The following LHFPL6 variants were observed in gnomAD, a reference collection of about 807,000 sequenced individuals.
LHFPL6 encodes LHFPL tetraspan subfamily member 6, also known as LHFPL tetraspan subfamily member 6 protein.
A neutral mutation model predicts 20.6 loss-of-function variants in LHFPL6; 9 were observed. That is an observed-to-expected ratio of 0.44 (90% CI 0.26 to 0.76). The LOEUF is 0.76. Ranked by LOEUF, LHFPL6 falls within the 30% of genes least tolerant of loss-of-function variation. The pLI is 0.20. For missense variants in LHFPL6, 218 were observed against 253.5 expected, an observed-to-expected ratio of 0.86 and a Z score of 0.95; for synonymous variants, 105 against 98.7, an observed-to-expected ratio of 1.06 and a Z score of -0.38.
chr13:39,403,164 T>G (rs1204095433), intron 2 of LHFPL6, among the ~76,000 whole-genome samples: 1 of 152,228 alleles, frequency 6.6e-6, no homozygotes, highest in African/African-American at 2.4e-5. Context: ...ATACATTGTG[T>G]GAGGTATGGG....
intron 2 of LHFPL6, among the ~76,000 whole-genome samples, chr13:39,386,584 C>G (rs191236132): frequency 1.2e-4 from 18 of 152,320 alleles, no homozygotes; most frequent in Non-Finnish European, 2.9e-5. Flanking sequence ...CAGTCACACA[C>G]TCACCACCCA....
intron 2 of LHFPL6, among the ~76,000 whole-genome samples, chr13:39,574,989 T>G (rs1489009160): frequency 1.3e-5 from 2 of 151,940 alleles, no homozygotes; most frequent in African/African-American, 2.4e-5. Flanking sequence ...GAGAATCACT[T>G]GAATCTGGGA....
At chr13:39,577,126 A>C (rs1872140819) in intron 2 of LHFPL6, among the ~76,000 whole-genome samples, 1 of 152,224 alleles carries the variant, frequency 6.6e-6, no homozygotes, top group Admixed American at 6.5e-5. Context: ...GAAAAATGAT[A>C]ACACTTAGAA....
At chr13:39,452,105 T>A (rs1235789311) in intron 2 of LHFPL6, among the ~76,000 whole-genome samples, 1 of 147,702 alleles carries the variant, frequency 6.8e-6, no homozygotes, top group African/African-American at 2.5e-5. Flanking sequence ...ACATCAAGGT[T>A]AAAAAAAAAA....
Position 39,360,836 on chromosome 13 carries a change from C to A in LHFPL6, c.485-16782G>T, listed in dbSNP as rs1042414732. ...TATAAGTTTCCCTTCTGGATTCCCA[C>A]AAAAATTTTGCTGAAGAGCCATAGT... is the stretch of plus-strand genomic sequence containing the variant. On this transcript the variant is annotated intron_variant, in intron 3 of 3. Coordinates refer to ENST00000379589, the MANE Select transcript of LHFPL6 (RefSeq NM_005780.3). Among the ~76,000 whole-genome samples the A allele has an allele frequency of 7.3e-5, 7 of 96,102 alleles. 3 individuals carry two copies. The Admixed American group carries it at 8.3e-4, about 11-fold the overall frequency. The allele number at this position is 96,102 out of a possible 152,430, so 63.0% of individuals were successfully genotyped here.
intron 3 of LHFPL6, among the ~76,000 whole-genome samples, chr13:39,356,650 C>G (rs1869734257): frequency 6.6e-6 from 1 of 152,082 alleles, no homozygotes; most frequent in Non-Finnish European, 1.5e-5. Flanking sequence ...CGAGAGGATC[C>G]AAAACAGCAC....
chr13:39,415,944 C>A (rs1303139711), intron 2 of LHFPL6, among the ~76,000 whole-genome samples: 1 of 148,950 alleles, frequency 6.7e-6, no homozygotes, highest in African/African-American at 2.5e-5. Context: ...TTTGCAGAAT[C>A]AGGACTAGAA....
chr13:39,501,184 G>A (rs919389955), intron 2 of LHFPL6, among the ~76,000 whole-genome samples: 3 of 152,294 alleles, frequency 2.0e-5, no homozygotes, highest in East Asian at 3.9e-4. Context: ...TTTGCTGTTA[G>A]CAACAGGAAG....
At chr13:39,432,098 G>A (rs767320710) in intron 2 of LHFPL6, among the ~76,000 whole-genome samples, 4 of 152,122 alleles carry the variant, frequency 2.6e-5, no homozygotes, top group Non-Finnish European at 5.9e-5. Context: ...CTTGCACCAC[G>A]TGAGGACATC....
chr13:39,599,713 T>C (rs1230526695), intron 2 of LHFPL6, among the ~76,000 whole-genome samples: 1 of 152,264 alleles, frequency 6.6e-6, no homozygotes, highest in Non-Finnish European at 1.5e-5. Context: ...AATTAAACTT[T>C]ACTGAAAATG....
rs569675426 is a variant in LHFPL6 at position 39,489,797 on chromosome 13, C to T, written c.385+111035G>A. The stretch of plus-strand genomic sequence containing the variant: ...CTCGAACTCCTGAGCACAAGTGATC[C>T]ATCCGCCTCAGCCTCCCAAAGTGCT... On this transcript the variant is annotated intron_variant, in intron 2 of 3. Transcript: ENST00000379589. Among the ~76,000 whole-genome samples the T allele has an allele frequency of 1.5e-3, 231 of 152,214 alleles. 2 individuals are homozygous for T. The highest frequency in any genetic ancestry group is 5.2e-3 in the African/African-American group (218 of 41,524).
chr13:39,440,113 A>C (rs1445518804), intron 2 of LHFPL6, among the ~76,000 whole-genome samples: 1 of 152,198 alleles, frequency 6.6e-6, no homozygotes, highest in African/African-American at 2.4e-5. Flanking sequence ...GGGTAGAGAG[A>C]GAGAGATCAC....
At chr13:39,447,021 A>C (rs1023386051) in intron 2 of LHFPL6, among the ~76,000 whole-genome samples, 5 of 152,230 alleles carry the variant, frequency 3.3e-5, no homozygotes, top group African/African-American at 1.2e-4. Context: ...CAGACTATTA[A>C]ATGAACAAAT....
intron 2 of LHFPL6, among the ~76,000 whole-genome samples, chr13:39,505,919 G>A (rs1008266042): frequency 1.3e-5 from 2 of 152,258 alleles, no homozygotes; most frequent in East Asian, 3.9e-4. Flanking sequence ...TACTGCCACA[G>A]AGGAGCTATC....
At chr13:39,541,749 A>G (rs182520460) in intron 2 of LHFPL6, among the ~76,000 whole-genome samples, 146 of 152,266 alleles carry the variant, frequency 9.6e-4, no homozygotes, top group African/African-American at 3.0e-3. Flanking sequence ...GTCTGATCCA[A>G]TGCCTAGAAC....
intron 2 of LHFPL6, among the ~76,000 whole-genome samples, chr13:39,529,551 G>A (rs936739359): frequency 6.6e-6 from 1 of 152,180 alleles, no homozygotes; most frequent in Non-Finnish European, 1.5e-5. Context: ...TACTTAGTGT[G>A]TAAGACACTG....
At chr13:39,348,090 G>C (rs1403602388) in intron 3 of LHFPL6, among the ~76,000 whole-genome samples, 1 of 152,164 alleles carries the variant, frequency 6.6e-6, no homozygotes, top group Non-Finnish European at 1.5e-5. Context: ...GACAATGAGA[G>C]AGAGGATAGT....
intron 2 of LHFPL6, among the ~76,000 whole-genome samples, chr13:39,556,634 C>A (rs1456528042): frequency 6.6e-6 from 1 of 151,928 alleles, no homozygotes; most frequent in African/African-American, 2.4e-5. Context: ...GATAACGGGA[C>A]CAAAGAAATG....
chr13:39,512,474 C>T (rs1869748722), intron 2 of LHFPL6, among the ~76,000 whole-genome samples: 1 of 151,936 alleles, frequency 6.6e-6, no homozygotes, highest in Non-Finnish European at 1.5e-5. Flanking sequence ...TGGTGGCGGG[C>T]CCCTGTAGTC....
Sources: allele counts gnomAD v4.1 joint callset (sites outside exome capture counted in the v4.1 genomes callset), GRCh38; gene constraint gnomAD v4.1.1; transcripts MANE v1.5; gene names NCBI Gene and HGNC (gene_info 2026-07-23, HGNC 2026-07-21).